The following CDCP1 variants were observed in gnomAD, a reference collection of about 807,000 sequenced individuals.
CDCP1 encodes CUB domain containing protein 1.
A neutral mutation model predicts 60.2 loss-of-function variants in CDCP1; 29 were observed. The observed-to-expected ratio is 0.48, with a 90% CI of 0.36 to 0.66. CDCP1 has a LOEUF of 0.66. Ranked by LOEUF, CDCP1 falls within the 30% of genes least tolerant of loss-of-function variation. The pLI is 0.00. For synonymous variants in CDCP1, 387 were observed against 431.1 expected, an observed-to-expected ratio of 0.90 and a Z score of 1.27; for missense variants, 876 against 1,074.3, an observed-to-expected ratio of 0.82 and a Z score of 2.58.
chr3:45,142,106 T>C (rs1208026150), intron 1 of CDCP1, among the ~76,000 whole-genome samples: 1 of 152,200 alleles, frequency 6.6e-6, no homozygotes, highest in Non-Finnish European at 1.5e-5. Flanking sequence ...GTGTTGGGAT[T>C]ACAGGCGTGA....
chr3:45,100,152 T>G (rs62242535), intron 4 of CDCP1, among the ~76,000 whole-genome samples: 26,623 of 152,122 alleles, frequency 0.18, 2,960 homozygotes, highest in Middle Eastern at 0.26. Context: ...TTGGGTCTTT[T>G]CTCTTAGATT....
chr3:45,085,472 C>T lies in CDCP1; in HGVS notation c.*166G>A, dbSNP rs917750820. The stretch of plus-strand genomic sequence containing the variant: ...AATTCATCATTTTCAATGTCTTGCC[C>T]TTAGAATGAGTCCACTGAGCAATGT... On this transcript the variant is annotated 3_prime_UTR_variant, in exon 9 of 9. Coordinates refer to ENST00000296129, the MANE Select transcript of CDCP1 (RefSeq NM_022842.5). The surrounding 1 kb of genome is among the most constrained non-coding windows in gnomAD (Gnocchi z 4.2). 66 of 679,526 alleles carry T rather than the reference C, an allele frequency of 9.7e-5. No individual in the cohort carries two copies. The East Asian group carries it at 1.7e-3, about 17-fold the overall frequency. The allele number at this position is 679,526 out of a possible 1,614,324, so 42.1% of individuals were successfully genotyped here.
intron 4 of CDCP1, among the ~76,000 whole-genome samples, chr3:45,099,638 T>C (rs1698457728): frequency 6.6e-6 from 1 of 152,182 alleles, no homozygotes; most frequent in African/African-American, 2.4e-5. Context: ...CCTCCTTGAC[T>C]GGTCCTTGAG....
In CDCP1 at chr3:45,110,506, G is replaced by C. The variant is rs1255796344; in HGVS notation, c.991C>G (p.Gln331Glu). The stretch of plus-strand genomic sequence containing the variant: ...TTTTGTGGATGTTGGACCAAAACTT[G>C]GAACTGCAGCCGGAGGATCCCTGGA... Reference protein sequence around the residue: ...QSPGILRLQFQVLVQHPQNES... With the variant: ...QSPGILRLQFEVLVQHPQNES... Residue 331 changes from glutamine to glutamate, a missense_variant, in exon 4 of 9, where the codon CAA becomes GAA. Physicochemically the swap from Gln to Glu is conservative, Grantham distance 29. Transcript: ENST00000296129. 6.2e-7 allele frequency: 1 copy of C among 1,614,078 alleles called. No homozygotes were observed. Among genetic ancestry groups the C allele is most frequent in the African/African-American group, 1.3e-5 (1 of 74,924 alleles).
chr3:45,133,717 CAAAAAAAAAAAA>C (rs1215278385), intron 1 of CDCP1, among the ~76,000 whole-genome samples: 1 of 50,272 alleles, frequency 2.0e-5, no homozygotes, highest in Admixed American at 2.6e-4. Context: ...GACTCCGTCT[CAAAAAAAAAAAA>C]AAAAAAAAAA....
At chr3:45,127,031 T>C (rs1455921158) in intron 1 of CDCP1, among the ~76,000 whole-genome samples, 1 of 152,146 alleles carries the variant, frequency 6.6e-6, no homozygotes, top group East Asian at 1.9e-4. Flanking sequence ...AACCAGGAAC[T>C]TTCTGATGAT....
At chr3:45,110,282 T>C (rs1457030807) in intron 4 of CDCP1, 191 bp downstream of exon 4, 4 of 1,431,282 alleles carry the variant, frequency 2.8e-6, no homozygotes, top group Non-Finnish European at 3.7e-6. Flanking sequence ...TGGAACTACA[T>C]ACCGGGTGTT....
intron 1 of CDCP1, among the ~76,000 whole-genome samples, chr3:45,128,603 T>G (rs4682769): frequency 0.43 from 65,774 of 152,204 alleles, 16,403 homozygotes; most frequent in Non-Finnish European, 0.55. Context: ...CAATCCAACT[T>G]GTTGGAACAG....
Position 45,129,616 on chromosome 3 carries a change from G to A in CDCP1, c.83-10995C>T, listed in dbSNP as rs1699053650. Among the ~76,000 whole-genome samples, 3 of 152,156 alleles carry A rather than the reference G, an allele frequency of 2.0e-5. No individual in the cohort carries two copies. In the South Asian group the frequency reaches 6.2e-4, roughly 31 times the overall value. Reference sequence around the variant, plus strand: ...TCACTGAGGATCACAAGGATGGCTGGAGAAAAATCAAAGGAGTGGATTAAA... The same window carrying A: ...TCACTGAGGATCACAAGGATGGCTGAAGAAAAATCAAAGGAGTGGATTAAA... On this transcript the variant is annotated intron_variant, in intron 1 of 8. Transcript: ENST00000296129.
intron 1 of CDCP1, among the ~76,000 whole-genome samples, chr3:45,129,876 A>G (rs1397880126): frequency 1.3e-5 from 2 of 152,200 alleles, no homozygotes; most frequent in East Asian, 1.9e-4. Flanking sequence ...AAGACTTGAT[A>G]TAAATCCTAT....
chr3:45,114,573 C>G (rs1309452865), intron 2 of CDCP1, among the ~76,000 whole-genome samples: 2 of 152,026 alleles, frequency 1.3e-5, no homozygotes, highest in Admixed American at 6.6e-5. Context: ...TGCTGCCATG[C>G]CTGGGTAATT....
chr3:45,082,459 C>T lies in CDCP1; in HGVS notation c.*3179G>A, dbSNP rs943695980. 6.6e-6 allele frequency: 1 copy of T among 152,152 alleles called. No individual in the cohort carries two copies. The highest frequency in any genetic ancestry group is 1.5e-5 in the Non-Finnish European group (1 of 68,034). 9.4% of individuals were successfully genotyped at this position (152,152 alleles called of 1,614,324 possible). On this transcript the variant is annotated 3_prime_UTR_variant, in exon 9 of 9. Transcript: ENST00000296129. ...CTGTCACAGTCAACAACTGGGAAACCGGGGCCTCTACTGAACCAGGGGACA... is the reference window on the plus strand; with the variant it reads ...CTGTCACAGTCAACAACTGGGAAACTGGGGCCTCTACTGAACCAGGGGACA...
intron 4 of CDCP1, among the ~76,000 whole-genome samples, chr3:45,097,326 G>C (rs1559777524): frequency 6.6e-6 from 1 of 150,780 alleles, no homozygotes; most frequent in Non-Finnish European, 1.5e-5. Flanking sequence ...AAGAAAGAAA[G>C]AAAGAAAAGA....
chr3:45,132,394 A>G lies in CDCP1; in HGVS notation c.83-13773T>C, dbSNP rs192217254. ...TACCATTTGTCATCCCTCAAAGGAT[A>G]ACACTAGAGACGGGGTGGGGTGGTA... On this transcript the variant is annotated intron_variant, in intron 1 of 8. Transcript: ENST00000296129. Among the ~76,000 whole-genome samples, 49 of 152,342 alleles carry G rather than the reference A, an allele frequency of 3.2e-4. 2 individuals are homozygous for G. The highest frequency in any genetic ancestry group is 1.1e-3 in the African/African-American group (47 of 41,582).
chr3:45,103,749 C>G (rs555101598), intron 4 of CDCP1, among the ~76,000 whole-genome samples: 1 of 152,182 alleles, frequency 6.6e-6, no homozygotes, highest in Admixed American at 6.5e-5. Context: ...CACACATGCC[C>G]GTTTCCCTTG....
At chr3:45,146,414 G>T (rs938853615), upstream of CDCP1, 6 of 689,842 alleles carry the variant, frequency 8.7e-6, no homozygotes, top group African/African-American at 9.6e-5. Context: ...ACCGGCCCGA[G>T]CCCCGCCCTG....
chr3:45,146,112 G>GCACCCTCCGCACCCTCCT, intron 1 of CDCP1, 94 bp downstream of exon 1: 1 of 1,184,842 alleles, frequency 8.4e-7, no homozygotes, highest in Non-Finnish European at 1.2e-6. Flanking sequence ...CGCACCCTCC[G>GCACCCTCCGCACCCTCCT]CACCCTGCGT....
At chr3:45,102,534 G>A (rs1698497458) in intron 4 of CDCP1, among the ~76,000 whole-genome samples, 1 of 150,850 alleles carries the variant, frequency 6.6e-6, no homozygotes, top group Admixed American at 6.6e-5. Flanking sequence ...GCTGGGCATG[G>A]TGGCTCATGC....
At chr3:45,145,228 C>T (rs7622796) in intron 1 of CDCP1, among the ~76,000 whole-genome samples, 61,282 of 151,840 alleles carry the variant, frequency 0.4, 13,977 homozygotes, top group Middle Eastern at 0.52. Context: ...TTACACCTGC[C>T]AAACACAAAT....
Sources: allele counts gnomAD v4.1 joint callset (sites outside exome capture counted in the v4.1 genomes callset), GRCh38; gene constraint gnomAD v4.1.1; non-coding constraint Gnocchi (gnomAD v3.1); transcripts MANE v1.5; gene names NCBI Gene and HGNC (gene_info 2026-07-23, HGNC 2026-07-21).